Variants in FGF17 observed in about 807,000 individuals in gnomAD.
FGF17 encodes fibroblast growth factor 17.
In FGF17, 5 loss-of-function variants were observed where a neutral mutation model predicts 23.5. The ratio of observed to expected loss-of-function variants is 0.21; its 90% confidence interval spans 0.11 to 0.45. The LOEUF is 0.45. Among genes scored for constraint, FGF17 ranks in the 20% least tolerant of loss-of-function variants. The pLI is 0.99. For missense variants in FGF17, 221 were observed against 306.9 expected, an observed-to-expected ratio of 0.72 and a Z score of 2.09; for synonymous variants, 136 against 123.0, an observed-to-expected ratio of 1.11 and a Z score of -0.70.
In FGF17 at chr8:22,046,189, C is replaced by T; in HGVS notation, c.148C>T (p.Arg50Trp). Residue 50 changes from arginine to tryptophan, a missense_variant, in exon 3 of 5, where the codon CGG (arginine) becomes TGG (tryptophan). This residue lies in a region of FGF17 where 58 missense variants were observed against 121.0 expected (regional missense o/e 0.48). Coordinates refer to ENST00000359441, the MANE Select transcript of FGF17 (RefSeq NM_003867.4). ...QGAMTDQLSR[R>W]QIREYQLYSR... ...CGCCATGACCGACCAGCTGAGCAGG[C>T]GGCAGATCCGCGAGTACCAACTCTA... 1.2e-6 allele frequency: 2 copies of T among 1,614,094 alleles called. No homozygotes were observed. Among genetic ancestry groups the T allele is most frequent in the Non-Finnish European group, 1.7e-6 (2 of 1,180,036 alleles).
intron 2 of FGF17, among the ~76,000 whole-genome samples, chr8:22,043,613 G>T (rs1225218703): frequency 6.6e-6 from 1 of 152,142 alleles, no homozygotes; most frequent in Non-Finnish European, 1.5e-5. Context: ...CCTGGGGTGG[G>T]GGTCTCGTGA....
Position 22,045,560 on chromosome 8 carries a change from C to A in FGF17, c.73-554C>A, listed in dbSNP as rs3176289. 4.0e-3 allele frequency: 3,977 copies of A among 996,884 alleles called. 98 individuals carry two copies. The African/African-American group carries it at 0.061, about 15-fold the overall frequency. 61.8% of individuals were successfully genotyped at this position (996,884 alleles called of 1,614,324 possible). A position where few individuals can be genotyped will look rare whatever the true frequency, so the allele number is the denominator to read the frequency against. On this transcript the variant is annotated intron_variant, in intron 2 of 4. Transcript: ENST00000359441. ...AAATGCTCATGGGACCCTGCAGGAGCTTTCAGAGTCCCCCACATGCTCTCT... is the reference window on the plus strand; with the variant it reads ...AAATGCTCATGGGACCCTGCAGGAGATTTCAGAGTCCCCCACATGCTCTCT...
At chr8:22,043,572 T>C (rs900780) in intron 2 of FGF17, among the ~76,000 whole-genome samples, 51,524 of 152,034 alleles carry the variant, frequency 0.34, 10,418 homozygotes, top group Non-Finnish European at 0.45. Flanking sequence ...TGTATGTCCT[T>C]CTCGCCACCC....
At chr8:22,047,241 G>A (rs985488367) in intron 4 of FGF17, among the ~76,000 whole-genome samples, 1 of 152,130 alleles carries the variant, frequency 6.6e-6, no homozygotes, top group Non-Finnish European at 1.5e-5. Flanking sequence ...TCTGGGTGGA[G>A]GACTAAGAGC....
At chr8:22,046,355 C>T in intron 3 of FGF17, 64 bp downstream of exon 3, 3 of 1,564,140 alleles carry the variant, frequency 1.9e-6, no homozygotes, top group Non-Finnish European at 2.6e-6. Flanking sequence ...CACCCTGCCT[C>T]ACCTCCTGGT....
At position 22,046,452 on chromosome 8, in the gene FGF17, C is replaced by G. The variant is rs555859502; in HGVS notation, c.251-75C>G. 64 of 1,435,728 alleles carry G rather than the reference C, an allele frequency of 4.5e-5. 1 individual carries two copies. In the African/African-American group the frequency reaches 8.3e-4, roughly 19 times the overall value. The allele number at this position is 1,435,728 out of a possible 1,614,324, so 88.9% of individuals were successfully genotyped here. A position where few individuals can be genotyped will look rare whatever the true frequency, so the allele number is the denominator to read the frequency against. On this transcript the variant is annotated intron_variant, in intron 3 of 4. Coordinates refer to ENST00000359441, the MANE Select transcript of FGF17 (RefSeq NM_003867.4). ...CGCCTGAGTCTGGAGGTCAGTGTGGCTGGGTGGTCCCCTGCTGTAGCCATA... is the reference window on the plus strand; with the variant it reads ...CGCCTGAGTCTGGAGGTCAGTGTGGGTGGGTGGTCCCCTGCTGTAGCCATA...
At chr8:22,044,611 C>T (rs1350889896) in intron 2 of FGF17, 3 of 900,636 alleles carry the variant, frequency 3.3e-6, no homozygotes, top group South Asian at 1.0e-4. Context: ...AGGCAGGACC[C>T]CACCCCCTGG....
intron 4 of FGF17, 95 bp from the exon 5 acceptor site, chr8:22,047,861 T>C (rs777060431): frequency 2.4e-6 from 3 of 1,266,168 alleles, no homozygotes; most frequent in Non-Finnish European, 3.3e-6. Context: ...TTGTTCCCGT[T>C]GTCCCTCCTC....
At chr8:22,047,930 C>T (rs984923546) in intron 4 of FGF17, 26 bp from the exon 5 acceptor site, 7 of 1,587,616 alleles carry the variant, frequency 4.4e-6, no homozygotes, top group Middle Eastern at 1.7e-4. Flanking sequence ...GGACAAATGC[C>T]CTTCCTGTCC....
chr8:22,042,917 A>G lies in FGF17; in HGVS notation c.-12A>G. 1 of 1,613,242 alleles carries G rather than the reference A, an allele frequency of 6.2e-7. No individual in the cohort carries two copies. Among genetic ancestry groups the G allele is most frequent in the East Asian group, 2.2e-5 (1 of 44,852 alleles). On this transcript the variant is annotated 5_prime_UTR_variant, in exon 1 of 5. Transcript: ENST00000359441. ...GGGCAGGGGGGCAACCGCCTGAGGA[A>G]CCTCTCCAGCGATGGGAGCCGCCCG... is the stretch of plus-strand genomic sequence containing the variant.
upstream of FGF17, among the ~76,000 whole-genome samples, chr8:22,040,793 T>C (rs1800725462): frequency 6.6e-6 from 1 of 152,236 alleles, no homozygotes; most frequent in South Asian, 2.1e-4. Flanking sequence ...TCCACGTGTC[T>C]GTGCTCTCTT....
At chr8:22,043,940 C>CT (rs969178705) in intron 2 of FGF17, among the ~76,000 whole-genome samples, 13 of 151,930 alleles carry the variant, frequency 8.6e-5, no homozygotes, top group Admixed American at 4.6e-4. Context: ...CCAGTGGGGA[C>CT]TTTTTTTGAA....
chr8:22,048,248 A>G lies in FGF17; in HGVS notation c.650A>G (p.Ter217TrpextTer135). ...KRTRRPQPLT[*>W] ...ACACGGCGGCCCCAGCCCCTCACGTAGTCTGGGAGGCAGGGGGCAGCAGCC... is the reference window on the plus strand; with the variant it reads ...ACACGGCGGCCCCAGCCCCTCACGTGGTCTGGGAGGCAGGGGGCAGCAGCC... Residue 217 changes from the stop codon to tryptophan, a stop_lost, in exon 5 of 5, where the codon TAG (stop) becomes TGG (tryptophan). Transcript: ENST00000359441. This position sits in a 1 kb window ranked among gnomAD's most constrained non-coding sequence, Gnocchi z 6.9. 1 of 1,598,472 alleles carries G rather than the reference A, an allele frequency of 6.3e-7. No individual in the cohort carries two copies. Among genetic ancestry groups the G allele is most frequent in the Non-Finnish European group, 8.5e-7 (1 of 1,171,998 alleles).
rs900133301 is a variant in FGF17, at chr8:22,048,381, C to G, written c.*132C>G. ...AGGACCCTGAGGGCCGCGAAGCATCCGAGCCCCCAGCTGGGAAGGGGCAGG... is the reference window on the plus strand; with the variant it reads ...AGGACCCTGAGGGCCGCGAAGCATCGGAGCCCCCAGCTGGGAAGGGGCAGG... On this transcript the variant is annotated 3_prime_UTR_variant, in exon 5 of 5. Transcript: ENST00000359441. This position sits in a 1 kb window ranked among gnomAD's most constrained non-coding sequence, Gnocchi z 6.9. 44 of 833,396 alleles carry G rather than the reference C, an allele frequency of 5.3e-5. No individual in the cohort carries two copies. The African/African-American group carries it at 6.3e-4, about 12-fold the overall frequency. The allele number at this position is 833,396 out of a possible 1,614,324, so 51.6% of individuals were successfully genotyped here.
At chr8:22,042,382 C>T (rs547931760), upstream of FGF17, 15 of 161,024 alleles carry the variant, frequency 9.3e-5, no homozygotes, top group Non-Finnish European at 1.6e-4. Context: ...CTGGGAATTT[C>T]CACTCCAGAG....
Position 22,043,142 on chromosome 8 carries a change from C to A in FGF17, c.36-3C>A, listed in dbSNP as rs750014801. 2.5e-6 allele frequency: 4 copies of A among 1,613,928 alleles called. No individual in the cohort carries two copies. In the Admixed American group the frequency reaches 6.7e-5, roughly 27 times the overall value. ...CCTGGGCTTACCTCCTCTCCCCACA[C>A]AGGTGCTTACAGCTGCTGATTCTCT... is the stretch of plus-strand genomic sequence containing the variant. On this transcript the variant is annotated splice_polypyrimidine_tract_variant and splice_region_variant and intron_variant, in intron 1 of 4. Coordinates refer to ENST00000359441, the MANE Select transcript of FGF17 (RefSeq NM_003867.4).
chr8:22,048,391 G>A lies in FGF17; in HGVS notation c.*142G>A. On this transcript the variant is annotated 3_prime_UTR_variant, in exon 5 of 5. Coordinates refer to ENST00000359441, the MANE Select transcript of FGF17 (RefSeq NM_003867.4). The surrounding 1 kb of genome is among the most constrained non-coding windows in gnomAD (Gnocchi z 6.9). ...GGGCCGCGAAGCATCCGAGCCCCCA[G>A]CTGGGAAGGGGCAGGCCGGTGCCCC... 1.3e-6 allele frequency: 1 copy of A among 774,460 alleles called. No individual in the cohort carries two copies. Among genetic ancestry groups the A allele is most frequent in the Non-Finnish European group, 2.0e-6 (1 of 495,842 alleles). The allele number at this position is 774,460 out of a possible 1,614,324, so 48.0% of individuals were successfully genotyped here.
At position 22,046,159 on chromosome 8, in the gene FGF17, C is replaced by G; in HGVS notation, c.118C>G (p.Gln40Glu). 1 of 1,614,184 alleles carries G rather than the reference C, an allele frequency of 6.2e-7. No individual in the cohort carries two copies. Among genetic ancestry groups the G allele is most frequent in the Non-Finnish European group, 8.5e-7 (1 of 1,180,048 alleles). Residue 40 changes from glutamine (Q) to glutamate (E), a missense_variant, in exon 3 of 5, where the codon CAG becomes GAG. Transcript: ENST00000359441. ...SPNFNQYVRD[Q>E]GAMTDQLSRR... The stretch of plus-strand genomic sequence containing the variant: ...TAATTTTAACCAGTACGTGAGGGAC[C>G]AGGGCGCCATGACCGACCAGCTGAG...
chr8:22,046,739 T>C lies in FGF17; in HGVS notation c.357+106T>C, dbSNP rs1800878523. On this transcript the variant is annotated intron_variant, in intron 4 of 4. Transcript: ENST00000359441. ...CCTCTGAGCCACACACCCTCCTGTGTAAAGACTTCCCATCCTACTCTCAGC... is the reference window on the plus strand; with the variant it reads ...CCTCTGAGCCACACACCCTCCTGTGCAAAGACTTCCCATCCTACTCTCAGC... 2.6e-6 allele frequency: 2 copies of C among 756,124 alleles called. 1 individual carries two copies. The highest frequency in any genetic ancestry group is 5.2e-5 in the Admixed American group (2 of 38,210). The allele number at this position is 756,124 out of a possible 1,614,324, so 46.8% of individuals were successfully genotyped here.
Sources: gnomAD v4.1 joint callset for allele counts (sites outside exome capture counted in the v4.1 genomes callset) on GRCh38, gnomAD v4.1.1 for gene constraint, gnomAD v4.1.1 regional missense constraint, Gnocchi (gnomAD v3.1) non-coding constraint, MANE v1.5 for transcripts, NCBI Gene and HGNC (gene_info 2026-07-23, HGNC 2026-07-21) for gene names.